RBMS3: variants seen among roughly 807,000 people sequenced by gnomAD.
RBMS3 encodes the protein RNA binding motif single stranded interacting protein 3.
A neutral mutation model predicts 66.8 loss-of-function variants in RBMS3; 27 were observed. The observed-to-expected ratio is 0.40, with a 90% confidence interval of 0.30 to 0.56. RBMS3 has a LOEUF of 0.56. RBMS3 is among the 20% of genes least tolerant of loss of function. The pLI, the probability that RBMS3 is intolerant of heterozygous loss-of-function variation, is 0.40. For missense variants in RBMS3, 513 were observed against 549.5 expected, an observed-to-expected ratio of 0.93 and a Z score of 0.66; for synonymous variants, 188 against 183.0, an observed-to-expected ratio of 1.03 and a Z score of -0.22.
At chr3:29,702,801 G>C (rs543752118) in intron 4 of RBMS3, among the ~76,000 whole-genome samples, 3 of 152,232 alleles carry the variant, frequency 2.0e-5, no homozygotes, top group Middle Eastern at 6.8e-3. Context: ...AAGAAACTCC[G>C]AACACGTCCG....
chr3:29,800,489 C>T lies in RBMS3; in HGVS notation c.637+37500C>T, dbSNP rs74338111. Among the ~76,000 whole-genome samples, 1,133 of 152,172 alleles carry T rather than the reference C, an allele frequency of 7.4e-3. 44 individuals are homozygous for T. The highest frequency in any genetic ancestry group is 0.06 in the Admixed American group (917 of 15,286). On this transcript the variant is annotated intron_variant, in intron 6 of 14. Transcript: ENST00000383767. ...AAAATAATTTATGAGATATTTTCTA[C>T]GTAATACTTTATCAAAATATTTGAC...
At chr3:29,645,839 G>A (rs533325831) in intron 4 of RBMS3, among the ~76,000 whole-genome samples, 17 of 152,142 alleles carry the variant, frequency 1.1e-4, no homozygotes, top group Non-Finnish European at 2.4e-4. Context: ...ATAATTGGTA[G>A]TTTAGGTGAA....
intron 3 of RBMS3, among the ~76,000 whole-genome samples, chr3:29,555,294 C>CT (rs2149038425): frequency 6.6e-6 from 1 of 152,332 alleles, no homozygotes; most frequent in East Asian, 1.9e-4. Flanking sequence ...GAATAGAACA[C>CT]TAAAGTCCTT....
At position 29,681,397 on chromosome 3, in the gene RBMS3, T is replaced by C. The variant is rs147711857; in HGVS notation, c.400-58323T>C. Among the ~76,000 whole-genome samples the C allele has an allele frequency of 4.0e-3, 608 of 152,292 alleles. 5 individuals carry two copies. Among genetic ancestry groups the C allele is most frequent in the African/African-American group, 0.014 (584 of 41,568 alleles). On this transcript the variant is annotated intron_variant, in intron 4 of 14. Transcript: ENST00000383767. ...ACATGTGCAGCATGTGCAGGTTTGT[T>C]ACGTAGGTAAATGTGTGCTCTGGTG...
intron 3 of RBMS3, among the ~76,000 whole-genome samples, chr3:29,557,146 T>A (rs2046394464): frequency 6.6e-6 from 1 of 152,222 alleles, no homozygotes; most frequent in African/African-American, 2.4e-5. Flanking sequence ...TCTGAGAAAG[T>A]ATTTCTGCTT....
chr3:29,343,048 T>C (rs2036368589), intron 1 of RBMS3, among the ~76,000 whole-genome samples: 1 of 152,172 alleles, frequency 6.6e-6, no homozygotes, highest in Non-Finnish European at 1.5e-5. Flanking sequence ...TTCAGTAGGA[T>C]ACTTTTGAAA....
In RBMS3 at chr3:29,997,015, C is replaced by A. The variant is rs59785296; in HGVS notation, c.1307+5806C>A. Among the ~76,000 whole-genome samples the A allele has an allele frequency of 3.3e-5, 5 of 151,132 alleles. No homozygotes were observed. In the South Asian group the frequency reaches 1.1e-3, roughly 32 times the overall value. The stretch of plus-strand genomic sequence containing the variant: ...GAAAAGATCAAAAAAATTGATAGAC[C>A]GCTAGCAAGACTAATAAAGAAAAAA... On this transcript the variant is annotated intron_variant, in intron 14 of 14. Coordinates refer to ENST00000383767, the MANE Select transcript of RBMS3 (RefSeq NM_001003793.3).
intron 1 of RBMS3, among the ~76,000 whole-genome samples, chr3:29,431,819 G>T (rs1264833264): frequency 2.0e-5 from 3 of 152,056 alleles, no homozygotes. Context: ...TCAGCCTCTA[G>T]GGTTCAAGTG....
chr3:29,548,021 C>T (rs903810090), intron 3 of RBMS3, among the ~76,000 whole-genome samples: 1 of 151,872 alleles, frequency 6.6e-6, no homozygotes, highest in African/African-American at 2.4e-5. Context: ...TCTCGCACTT[C>T]TGACCTCAAG....
chr3:29,983,704 G>T (rs1054992001), intron 12 of RBMS3, among the ~76,000 whole-genome samples: 1 of 151,856 alleles, frequency 6.6e-6, no homozygotes, highest in Non-Finnish European at 1.5e-5. Flanking sequence ...GAAATTCTGG[G>T]TAGAAAATTC....
At chr3:29,571,925 T>A (rs1255103557) in intron 3 of RBMS3, among the ~76,000 whole-genome samples, 1 of 152,070 alleles carries the variant, frequency 6.6e-6, no homozygotes, top group Non-Finnish European at 1.5e-5. Context: ...GGAATATTTT[T>A]AATTTTTTTT....
chr3:29,458,982 A>G (rs1262610639), intron 2 of RBMS3, among the ~76,000 whole-genome samples: 2 of 152,166 alleles, frequency 1.3e-5, no homozygotes, highest in Non-Finnish European at 2.9e-5. Flanking sequence ...TGTGAGAGAA[A>G]CTGGATAGAG....
chr3:29,384,994 T>A (rs911877232), intron 1 of RBMS3, among the ~76,000 whole-genome samples: 1 of 152,006 alleles, frequency 6.6e-6, no homozygotes, highest in African/African-American at 2.4e-5. Context: ...AAAAGAAATG[T>A]GTTGCCGAAC....
chr3:29,855,248 T>C (rs2059040557), intron 6 of RBMS3, among the ~76,000 whole-genome samples: 3 of 152,198 alleles, frequency 2.0e-5, no homozygotes, highest in South Asian at 4.1e-4. Flanking sequence ...GTGGTGAAAC[T>C]GAGTTGTGAA....
At chr3:29,935,856 A>G (rs1350792884) in intron 10 of RBMS3, among the ~76,000 whole-genome samples, 2 of 152,154 alleles carry the variant, frequency 1.3e-5, no homozygotes, top group East Asian at 1.9e-4. Flanking sequence ...TATTTTAGAC[A>G]CATCACAGGT....
At chr3:29,496,850 A>G (rs899595421) in intron 3 of RBMS3, among the ~76,000 whole-genome samples, 4 of 152,200 alleles carry the variant, frequency 2.6e-5, no homozygotes, top group Admixed American at 2.0e-4. Flanking sequence ...GCTTGTAATC[A>G]CTTAATATAC....
chr3:29,809,727 C>A (rs1576871095), intron 6 of RBMS3, among the ~76,000 whole-genome samples: 1 of 151,906 alleles, frequency 6.6e-6, no homozygotes, highest in Non-Finnish European at 1.5e-5. Flanking sequence ...TCTGAGCAAT[C>A]CTCTCAAAAG....
At chr3:29,507,886 TA>T (rs1019832459) in intron 3 of RBMS3, among the ~76,000 whole-genome samples, 4 of 152,140 alleles carry the variant, frequency 2.6e-5, no homozygotes, top group African/African-American at 9.7e-5. Context: ...ATTATATGTT[TA>T]AAAAATTCTC....
intron 4 of RBMS3, among the ~76,000 whole-genome samples, chr3:29,663,070 TG>T (rs1439663372): frequency 6.6e-5 from 10 of 152,212 alleles, no homozygotes; most frequent in African/African-American, 1.4e-4. Context: ...TTTGTTTGTT[TG>T]GTTGGTTGGT....
Sources: gnomAD v4.1 joint callset for allele counts (sites outside exome capture counted in the v4.1 genomes callset) on GRCh38, gnomAD v4.1.1 for gene constraint, MANE v1.5 for transcripts, NCBI Gene and HGNC (gene_info 2026-07-23, HGNC 2026-07-21) for gene names.